Variants in RAPGEF1 observed in about 807,000 individuals in gnomAD.
RAPGEF1 encodes the protein Rap guanine nucleotide exchange factor 1, also known as CRK SH3-binding GNRP.
Under a neutral mutation model 143.3 loss-of-function variants are expected in RAPGEF1, and 33 were observed. The observed-to-expected ratio is 0.23, with a 90% CI of 0.17 to 0.31. RAPGEF1 has a LOEUF of 0.31. Among genes scored for constraint, RAPGEF1 ranks in the 10% least tolerant of loss-of-function variants. The probability of loss-of-function intolerance (pLI) is 1.00; values close to 1 mark genes in which losing one functional copy is unlikely to be tolerated. For synonymous variants in RAPGEF1, 629 were observed against 676.5 expected, an observed-to-expected ratio of 0.93 and a Z score of 1.09; for missense variants, 1,199 against 1,645.4, an observed-to-expected ratio of 0.73 and a Z score of 4.69.
At chr9:131,687,020 G>T (rs1833404379) in intron 1 of RAPGEF1, among the ~76,000 whole-genome samples, 2 of 152,056 alleles carry the variant, frequency 1.3e-5, no homozygotes, top group Admixed American at 1.3e-4. Context: ...TTACCAATAG[G>T]ATCCGTTATG....
intron 1 of RAPGEF1, among the ~76,000 whole-genome samples, chr9:131,681,779 A>C (rs979955200): frequency 6.6e-6 from 1 of 152,182 alleles, no homozygotes; most frequent in Admixed American, 6.5e-5. Context: ...AGGAGTGTGC[A>C]TTAGAGCTGG....
intron 1 of RAPGEF1, among the ~76,000 whole-genome samples, chr9:131,723,167 C>T (rs935577448): frequency 3.9e-5 from 6 of 152,192 alleles, no homozygotes; most frequent in African/African-American, 1.4e-4. Flanking sequence ...GCACTTCAGC[C>T]TGGGTGACAG....
rs1370789838 is a variant in RAPGEF1, at chr9:131,577,310, T to C, written c.*2187A>G. The stretch of plus-strand genomic sequence containing the variant: ...GGGCTCCCAGTGAGGGCCTGGGGAA[T>C]TGCCTGGGCACACTGGGGCCAGGCA... On this transcript the variant is annotated 3_prime_UTR_variant, in exon 27 of 27. Transcript: ENST00000683357. The C allele has an allele frequency of 1.3e-5, 2 of 152,320 alleles. No homozygotes were observed. Among genetic ancestry groups the C allele is most frequent in the African/African-American group, 4.8e-5 (2 of 41,458 alleles). The allele number at this position is 152,320 out of a possible 1,614,324, so 9.4% of individuals were successfully genotyped here.
chr9:131,700,805 G>C (rs1288432905), intron 1 of RAPGEF1, among the ~76,000 whole-genome samples: 1 of 152,180 alleles, frequency 6.6e-6, no homozygotes, highest in Non-Finnish European at 1.5e-5. Flanking sequence ...AAGCCAGAAG[G>C]CTCGCTGAGC....
intron 5 of RAPGEF1, 145 bp downstream of exon 5, chr9:131,638,490 G>C (rs372140949): frequency 1.1e-6 from 1 of 905,154 alleles, no homozygotes; most frequent in African/African-American, 1.7e-5. Context: ...GAAGTAAGTA[G>C]TTATGGGATA....
chr9:131,640,254 G>T (rs1040155029), intron 4 of RAPGEF1, among the ~76,000 whole-genome samples: 4 of 152,256 alleles, frequency 2.6e-5, no homozygotes, highest in South Asian at 4.1e-4. Context: ...GCAAGGCCAG[G>T]TGAGGCATCT....
chr9:131,617,299 G>T (rs561686406), intron 12 of RAPGEF1, among the ~76,000 whole-genome samples: 31 of 152,324 alleles, frequency 2.0e-4, no homozygotes, highest in African/African-American at 6.7e-4. Flanking sequence ...GGAAACCAGG[G>T]GCTTCTGTGT....
At chr9:131,580,872 T>C (rs552686910) in intron 25 of RAPGEF1, among the ~76,000 whole-genome samples, 6 of 152,100 alleles carry the variant, frequency 3.9e-5, no homozygotes, top group African/African-American at 1.4e-4. Context: ...AGGCTGGGTG[T>C]GGTGGCTCAC....
At chr9:131,674,313 T>A (rs929222187) in intron 1 of RAPGEF1, among the ~76,000 whole-genome samples, 19 of 152,330 alleles carry the variant, frequency 1.2e-4, no homozygotes, top group Admixed American at 6.5e-5. Flanking sequence ...AACATTCATT[T>A]CTGAGGGCAA....
intron 1 of RAPGEF1, among the ~76,000 whole-genome samples, chr9:131,701,262 G>C (rs1415736189): frequency 2.6e-5 from 4 of 152,160 alleles, no homozygotes; most frequent in Non-Finnish European, 5.9e-5. Flanking sequence ...AATGGCTACG[G>C]ATAGATATTG....
chr9:131,630,384 A>G, intron 5 of RAPGEF1, 60 bp from the exon 6 acceptor site: 3 of 1,551,436 alleles, frequency 1.9e-6, no homozygotes, highest in Non-Finnish European at 2.7e-6. Flanking sequence ...TTTCCACCAG[A>G]AGGCAGGCAG....
chr9:131,663,740 C>G (rs1387394131), intron 1 of RAPGEF1, among the ~76,000 whole-genome samples: 1 of 152,122 alleles, frequency 6.6e-6, no homozygotes, highest in African/African-American at 2.4e-5. Context: ...ATTGATAATG[C>G]TAAGTTCGAT....
chr9:131,667,190 A>ATAT lies in RAPGEF1; in HGVS notation c.62-16242_62-16241insATA, dbSNP rs1830577244. On this transcript the variant is annotated intron_variant, in intron 1 of 26. Coordinates refer to ENST00000683357, the MANE Select transcript of RAPGEF1 (RefSeq NM_001377935.1). The surrounding 1 kb of genome is among the most constrained non-coding windows in gnomAD (Gnocchi z 4.6). ...TTTTTAGTAGAGATGGGGTTTCACC[A>ATAT]TGTTGGTCAGGCTGGTATCAAACTC... Among the ~76,000 whole-genome samples, 1 of 152,160 alleles carries ATAT rather than the reference A, an allele frequency of 6.6e-6. No individual in the cohort carries two copies. The highest frequency in any genetic ancestry group is 6.5e-5 in the Admixed American group (1 of 15,288).
intron 1 of RAPGEF1, among the ~76,000 whole-genome samples, chr9:131,705,315 T>G (rs1834968735): frequency 6.6e-6 from 1 of 151,968 alleles, no homozygotes; most frequent in Non-Finnish European, 1.5e-5. Flanking sequence ...CAATGAACCC[T>G]GCGACTGCCC....
At chr9:131,595,055 G>A (rs1215675365) in intron 17 of RAPGEF1, among the ~76,000 whole-genome samples, 3 of 152,230 alleles carry the variant, frequency 2.0e-5, no homozygotes, top group East Asian at 3.8e-4. Context: ...CCCCAGCACC[G>A]CTGACATGCG....
At chr9:131,662,223 C>A (rs1182308411) in intron 1 of RAPGEF1, among the ~76,000 whole-genome samples, 1 of 152,180 alleles carries the variant, frequency 6.6e-6, no homozygotes, top group Non-Finnish European at 1.5e-5. Context: ...CACGTCTGCA[C>A]ATACACATGG....
In RAPGEF1 at chr9:131,592,113, C is replaced by T; in HGVS notation, c.2760G>A (p.Lys920=). ...RTFISPEELI[K]KLQYRYEKFS... ...GGAAAGGATATCTGTACTGCAGCTT[C>T]TTGATGAGCTCCTCTGGGGAGATGA... is the stretch of plus-strand genomic sequence containing the variant. Residue 920 remains lysine, a synonymous_variant, in exon 18 of 27, where the codon AAG becomes AAA. Transcript: ENST00000683357. 6.2e-7 allele frequency: 1 copy of T among 1,611,002 alleles called. No homozygotes were observed.
In RAPGEF1 at chr9:131,597,737, G is replaced by T. The variant is rs571215227; in HGVS notation, c.2613+462C>A. On this transcript the variant is annotated intron_variant, in intron 16 of 26. Coordinates refer to ENST00000683357, the MANE Select transcript of RAPGEF1 (RefSeq NM_001377935.1). ...CTGAATTTTCTTTTCTTTTTTTTTAGAGATGGGTCTTGCTGTGTTGCCCAG... is the reference window on the plus strand; with the variant it reads ...CTGAATTTTCTTTTCTTTTTTTTTATAGATGGGTCTTGCTGTGTTGCCCAG... Among the ~76,000 whole-genome samples, 145 of 152,058 alleles carry T rather than the reference G, an allele frequency of 9.5e-4. 1 individual carries two copies. Among genetic ancestry groups the T allele is most frequent in the African/African-American group, 3.4e-3 (139 of 41,476 alleles).
chr9:131,733,456 C>T (rs960041278), intron 1 of RAPGEF1, among the ~76,000 whole-genome samples: 4 of 151,664 alleles, frequency 2.6e-5, no homozygotes, highest in African/African-American at 9.7e-5. Flanking sequence ...CCACTCCTTC[C>T]TGGCACTGAT....
Sources: gnomAD v4.1 joint callset for allele counts (sites outside exome capture counted in the v4.1 genomes callset) on GRCh38, gnomAD v4.1.1 for gene constraint, Gnocchi (gnomAD v3.1) non-coding constraint, MANE v1.5 for transcripts, NCBI Gene and HGNC (gene_info 2026-07-23, HGNC 2026-07-21) for gene names.